PNPLA1: variants seen among roughly 807,000 people sequenced by gnomAD.
The protein encoded by PNPLA1 is patatin like domain 1, omega-hydroxyceramide transacylase, also known as omega-hydroxyceramide transacylase.
In PNPLA1, 36 loss-of-function variants were observed where a neutral mutation model predicts 51.7. The ratio of observed to expected loss-of-function variants is 0.70; its 90% confidence interval spans 0.53 to 0.92. The LOEUF is 0.92. Among genes scored for constraint, PNPLA1 ranks in the 40% least tolerant of loss-of-function variants. PNPLA1 has a pLI of 0.00. For synonymous variants in PNPLA1, 293 were observed against 280.1 expected (o/e 1.05, Z -0.46); for missense variants, 658 against 682.5 (o/e 0.96, Z 0.40).
intron 1 of PNPLA1, 40 bp from the exon 2 acceptor site, chr6:36,291,280 G>A (rs753797260): frequency 2.0e-5 from 32 of 1,563,012 alleles, no homozygotes; most frequent in Non-Finnish European, 2.6e-5. Context: ...CTGGCCACTG[G>A]GTGGCACCGA....
At chr6:36,253,406 A>G (rs1769464175) in intron 1 of PNPLA1, among the ~76,000 whole-genome samples, 2 of 152,230 alleles carry the variant, frequency 1.3e-5, no homozygotes, top group Non-Finnish European at 2.9e-5. Context: ...CTTAGAATAT[A>G]TTTCCACAAA....
rs542511961 is a variant in PNPLA1 at position 36,288,215 on chromosome 6, G to A, written c.206-3105G>A. Among the ~76,000 whole-genome samples, 59 of 152,254 alleles carry A rather than the reference G, an allele frequency of 3.9e-4. 2 individuals carry two copies. The highest frequency in any genetic ancestry group is 6.8e-3 in the Middle Eastern group (2 of 294). On this transcript the variant is annotated intron_variant, in intron 1 of 8. Coordinates refer to ENST00000636260, the MANE Select transcript of PNPLA1 (RefSeq NM_001374623.1). Reference sequence around the variant, plus strand: ...CTAGCATGAGATTGTTCATTGCATCGTTATTTAGAAAAGCAATGAAACAAA... The same window carrying A: ...CTAGCATGAGATTGTTCATTGCATCATTATTTAGAAAAGCAATGAAACAAA...
At chr6:36,255,088 T>C (rs1409654382) in intron 1 of PNPLA1, among the ~76,000 whole-genome samples, 1 of 152,042 alleles carries the variant, frequency 6.6e-6, no homozygotes, top group Non-Finnish European at 1.5e-5. Context: ...TAAACAGAGG[T>C]TTTAAAAAAA....
At position 36,295,421 on chromosome 6, in the gene PNPLA1, C is replaced by T; in HGVS notation, c.772C>T (p.Leu258=). 2 of 1,614,166 alleles carry T rather than the reference C, an allele frequency of 1.2e-6. No individual in the cohort carries two copies. The highest frequency in any genetic ancestry group is 1.7e-6 in the Non-Finnish European group (2 of 1,180,028). Residue 258 remains leucine, a synonymous_variant, in exon 5 of 9, where the codon CTG becomes TTG. Coordinates refer to ENST00000636260, the MANE Select transcript of PNPLA1 (RefSeq NM_001374623.1). ...GGATGCAGTTTTGTACTTGAGGCGGCTGAGTAAGTACCGGTGGGGCCCCAG... is the reference window on the plus strand; with the variant it reads ...GGATGCAGTTTTGTACTTGAGGCGGTTGAGTAAGTACCGGTGGGGCCCCAG... The part of the protein sequence containing the change: ...YEDAVLYLRR[L]NAVYLNSSSK...
chr6:36,291,888 C>T (rs1362930748), intron 2 of PNPLA1, among the ~76,000 whole-genome samples: 1 of 152,180 alleles, frequency 6.6e-6, no homozygotes, highest in African/African-American at 2.4e-5. Context: ...GGCTGGGCTG[C>T]CATGCATCCC....
At chr6:36,248,046 C>T (rs991468311) in intron 1 of PNPLA1, among the ~76,000 whole-genome samples, 2 of 152,144 alleles carry the variant, frequency 1.3e-5, no homozygotes, top group African/African-American at 4.8e-5. Flanking sequence ...CAGTCCCGGG[C>T]TCATCTGCCA....
At chr6:36,271,573 T>C (rs556135676) in intron 1 of PNPLA1, among the ~76,000 whole-genome samples, 1 of 152,314 alleles carries the variant, frequency 6.6e-6, no homozygotes, top group African/African-American at 2.4e-5. Context: ...GGAAAGGGAC[T>C]GAGAATGAAA....
At chr6:36,306,405 T>C in intron 7 of PNPLA1, 29 bp downstream of exon 7, 3 of 1,582,652 alleles carry the variant, frequency 1.9e-6, no homozygotes, top group Non-Finnish European at 2.6e-6. Context: ...GAGCACGCTC[T>C]TTCCTTTGGA....
intron 1 of PNPLA1, among the ~76,000 whole-genome samples, chr6:36,287,793 CA>C (rs1770545200): frequency 2.3e-5 from 3 of 131,138 alleles, no homozygotes; most frequent in South Asian, 2.5e-4. Context: ...CACACACACA[CA>C]CCCCTGGAGA....
At chr6:36,268,414 T>C (rs576164623), upstream of PNPLA1, among the ~76,000 whole-genome samples, 4 of 152,116 alleles carry the variant, frequency 2.6e-5, no homozygotes, top group Non-Finnish European at 5.9e-5. Flanking sequence ...TGCCTGTAAA[T>C]AGCAGAGTTG....
intron 5 of PNPLA1, among the ~76,000 whole-genome samples, chr6:36,301,568 C>T (rs745903811): frequency 1.3e-5 from 2 of 152,234 alleles, no homozygotes; most frequent in Non-Finnish European, 2.9e-5. Context: ...TCTCTACTCA[C>T]TGCCAATCCC....
chr6:36,266,219 G>A (rs1421442616), upstream of PNPLA1, among the ~76,000 whole-genome samples: 1 of 152,224 alleles, frequency 6.6e-6, no homozygotes, highest in Non-Finnish European at 1.5e-5. Context: ...GCAACCTTGA[G>A]AGACAAGAGC....
chr6:36,248,329 C>G (rs1769345712), intron 1 of PNPLA1, among the ~76,000 whole-genome samples: 1 of 152,112 alleles, frequency 6.6e-6, no homozygotes, highest in Admixed American at 6.5e-5. Context: ...GCATGTAGCA[C>G]CTCATCTACT....
rs1410531373 is a variant in PNPLA1 at position 36,294,117 on chromosome 6, G to A, written c.505-73G>A. 6.5e-7 allele frequency: 1 copy of A among 1,545,560 alleles called. No homozygotes were observed. The highest frequency in any genetic ancestry group is 8.8e-7 in the Non-Finnish European group (1 of 1,132,430). On this transcript the variant is annotated intron_variant, in intron 3 of 8. Transcript: ENST00000636260. The surrounding 1 kb of genome is among the most constrained non-coding windows in gnomAD (Gnocchi z 4.2). Reference sequence around the variant, plus strand: ...TTGAAGCTGGTGCCATATCCCATGGGCCATTTCGATGTACCCCGAGTGGGG... The same window carrying A: ...TTGAAGCTGGTGCCATATCCCATGGACCATTTCGATGTACCCCGAGTGGGG...
At chr6:36,268,920 C>T (rs904046011), upstream of PNPLA1, among the ~76,000 whole-genome samples, 10 of 152,178 alleles carry the variant, frequency 6.6e-5, no homozygotes, top group Admixed American at 2.0e-4. Flanking sequence ...CACACCCGCC[C>T]CCACCCCAGC....
chr6:36,293,666 TC>T (rs1223495670), intron 3 of PNPLA1, among the ~76,000 whole-genome samples: 2 of 152,194 alleles, frequency 1.3e-5, no homozygotes, highest in Non-Finnish European at 2.9e-5. Flanking sequence ...TGCCCCCTCC[TC>T]ATTTTATATG....
At chr6:36,276,139 A>C in intron 1 of PNPLA1, among the ~76,000 whole-genome samples, 1 of 151,706 alleles carries the variant, frequency 6.6e-6, no homozygotes, top group African/African-American at 2.4e-5. Context: ...TTGTATTTTT[A>C]GTAGAGACAG....
intron 1 of PNPLA1, among the ~76,000 whole-genome samples, chr6:36,288,662 G>C (rs1370437286): frequency 6.7e-5 from 10 of 149,568 alleles, no homozygotes; most frequent in Admixed American, 6.7e-5. Flanking sequence ...GTTTCACCTT[G>C]TTAGCCAGGA....
chr6:36,298,372 C>T (rs148626859), intron 5 of PNPLA1, among the ~76,000 whole-genome samples: 4 of 152,198 alleles, frequency 2.6e-5, no homozygotes, highest in East Asian at 3.9e-4. Context: ...AATGGAATGA[C>T]GGGATTGCAT....
Sources: gnomAD v4.1 joint callset for allele counts (sites outside exome capture counted in the v4.1 genomes callset) on GRCh38, gnomAD v4.1.1 for gene constraint, Gnocchi (gnomAD v3.1) non-coding constraint, MANE v1.5 for transcripts, NCBI Gene and HGNC (gene_info 2026-07-23, HGNC 2026-07-21) for gene names.